The following NFATC2 variants were observed in gnomAD, a reference collection of about 807,000 sequenced individuals.
NFATC2 encodes the protein nuclear factor of activated T cells 2, also known as nuclear factor of activated T-cells, cytoplasmic 2.
In NFATC2, 22 loss-of-function variants were observed where a neutral mutation model predicts 87.3. The observed-to-expected ratio is 0.25, with a 90% confidence interval of 0.18 to 0.36. The LOEUF (loss-of-function observed/expected upper bound fraction) is 0.36. NFATC2 is among the 10% of genes least tolerant of loss of function. NFATC2 has a pLI of 1.00. For synonymous variants in NFATC2, 565 were observed against 542.2 expected (o/e 1.04, Z -0.58); for missense variants, 1,149 against 1,259.1 (o/e 0.91, Z 1.32).
At chr20:51,479,307 A>C (rs1243628088) in intron 3 of NFATC2, among the ~76,000 whole-genome samples, 1 of 152,168 alleles carries the variant, frequency 6.6e-6, no homozygotes, top group Non-Finnish European at 1.5e-5. Flanking sequence ...CATTTGTTGA[A>C]TAATCTGTCA....
chr20:51,487,089 C>T (rs777495726), intron 3 of NFATC2, among the ~76,000 whole-genome samples: 14 of 152,192 alleles, frequency 9.2e-5, no homozygotes, highest in Non-Finnish European at 1.9e-4. Flanking sequence ...CCTTCAGAAA[C>T]ATTTCTCCCG....
intron 9 of NFATC2, among the ~76,000 whole-genome samples, chr20:51,419,686 C>T (rs575930418): frequency 7.9e-4 from 120 of 152,320 alleles, no homozygotes; most frequent in African/African-American, 2.8e-3. Flanking sequence ...AATAACCTCC[C>T]CTGCCTTGCA....
intron 10 of NFATC2, 91 bp from the exon 11 acceptor site, chr20:51,391,542 T>C (rs1986348031): frequency 2.3e-6 from 3 of 1,305,466 alleles, no homozygotes; most frequent in Non-Finnish European, 3.3e-6. Flanking sequence ...CTAGAACCTC[T>C]ATTGGGCTAT....
intron 1 of NFATC2, among the ~76,000 whole-genome samples, chr20:51,528,126 C>T (rs1264829547): frequency 6.6e-6 from 1 of 151,384 alleles, no homozygotes; most frequent in Non-Finnish European, 1.5e-5. Context: ...CAGATATACT[C>T]TCACCTGTGC....
At chr20:51,506,311 G>A (rs138701550) in intron 3 of NFATC2, among the ~76,000 whole-genome samples, 5 of 152,358 alleles carry the variant, frequency 3.3e-5, no homozygotes, top group East Asian at 1.9e-4. Context: ...CCAAGCCATT[G>A]AGCCATTCCA....
At chr20:51,451,768 G>T (rs1985820312) in intron 6 of NFATC2, among the ~76,000 whole-genome samples, 1 of 152,142 alleles carries the variant, frequency 6.6e-6, no homozygotes, top group Non-Finnish European at 1.5e-5. Flanking sequence ...CGCTTGCCAG[G>T]GATCTAGGTT....
intron 3 of NFATC2, among the ~76,000 whole-genome samples, chr20:51,478,632 C>G (rs1015604264): frequency 1.3e-5 from 2 of 152,202 alleles, no homozygotes; most frequent in East Asian, 3.8e-4. Context: ...TGGTCTTTCA[C>G]AGAACAGCTC....
chr20:51,489,147 G>A (rs889999160), intron 3 of NFATC2, among the ~76,000 whole-genome samples: 6 of 152,230 alleles, frequency 3.9e-5, no homozygotes, highest in Admixed American at 1.3e-4. Context: ...CCAAGATCGT[G>A]CCACTGCACT....
chr20:51,397,033 G>GTAGTGTAGCTGGGATTACA (rs71192525), intron 10 of NFATC2, among the ~76,000 whole-genome samples: 2 of 151,580 alleles, frequency 1.3e-5, no homozygotes, highest in African/African-American at 4.9e-5. Flanking sequence ...AACCTCCTAA[G>GTAGTGTAGCTGGGATTACA]GGAACCTGCC....
intron 3 of NFATC2, among the ~76,000 whole-genome samples, chr20:51,489,436 T>G (rs2075844872): frequency 6.6e-6 from 1 of 152,208 alleles, no homozygotes; most frequent in Non-Finnish European, 1.5e-5. Flanking sequence ...TCTCTAGATT[T>G]TCTACATTCT....
At chr20:51,420,855 A>C (rs1475359778) in intron 9 of NFATC2, among the ~76,000 whole-genome samples, 1 of 152,118 alleles carries the variant, frequency 6.6e-6, no homozygotes, top group Non-Finnish European at 1.5e-5. Flanking sequence ...TTAGAGATAC[A>C]TGCTATTTCT....
At chr20:51,562,634 A>T (rs2077042654), upstream of NFATC2, 1 of 1,550,430 alleles carries the variant, frequency 6.4e-7, no homozygotes, top group Non-Finnish European at 8.7e-7. The surrounding 1 kb of genome is among the most constrained non-coding windows in gnomAD (Gnocchi z 5.8). Flanking sequence ...CTGCATCTGG[A>T]GGGCACGGGG....
chr20:51,398,570 TA>T (rs11086333), intron 10 of NFATC2, 72 bp downstream of exon 10: 487,685 of 848,202 alleles, frequency 0.57, 98,173 homozygotes, highest in Admixed American at 0.68. Flanking sequence ...ATACTTTACT[TA>T]AAAAAAAAAA....
chr20:51,473,125 G>C (rs1027685017), intron 5 of NFATC2, among the ~76,000 whole-genome samples: 2 of 152,196 alleles, frequency 1.3e-5, no homozygotes, highest in African/African-American at 4.8e-5. Flanking sequence ...TTTCTGCTCA[G>C]TGTCCTTCCA....
rs1260272286 is a variant in NFATC2, at chr20:51,529,353, C to T, written c.131-5243G>A. On this transcript the variant is annotated intron_variant, in intron 1 of 10. Transcript: ENST00000371564. ...TTACATTGGTTTTCATTAATCCAAG[C>T]GGCAGTTTTTTTTTTTTCCTCTTGA... 2.4e-5 allele frequency among the ~76,000 whole-genome samples: 3 copies of T among 122,744 alleles called. No individual in the cohort carries two copies. In the East Asian group the frequency reaches 6.4e-4, roughly 26 times the overall value. The allele number at this position is 122,744 out of a possible 152,430, so 80.5% of individuals were successfully genotyped here.
chr20:51,519,934 C>T (rs896685370), intron 2 of NFATC2, among the ~76,000 whole-genome samples: 1 of 144,376 alleles, frequency 6.9e-6, no homozygotes, highest in Admixed American at 6.8e-5. Context: ...AAAAAAAGAA[C>T]AAAAAAGAAG....
At chr20:51,414,259 A>C (rs1979713307) in intron 9 of NFATC2, among the ~76,000 whole-genome samples, 1 of 152,176 alleles carries the variant, frequency 6.6e-6, no homozygotes, top group South Asian at 2.1e-4. Context: ...CAAGGGAGAA[A>C]AAATAAATAA....
In NFATC2 at chr20:51,523,050, C is replaced by G; in HGVS notation, c.1160+31G>C. 6.2e-7 allele frequency: 1 copy of G among 1,613,214 alleles called. No homozygotes were observed. The highest frequency in any genetic ancestry group is 8.5e-7 in the Non-Finnish European group (1 of 1,179,914). On this transcript the variant is annotated intron_variant, in intron 2 of 10. Transcript: ENST00000371564. The surrounding 1 kb of genome is among the most constrained non-coding windows in gnomAD (Gnocchi z 6.9). ...AAAACCATCTCTTAAAACTAAACCACAGAATCAATCATTTTCAAAGCCCTG... is the reference window on the plus strand; with the variant it reads ...AAAACCATCTCTTAAAACTAAACCAGAGAATCAATCATTTTCAAAGCCCTG...
Position 51,432,814 on chromosome 20 carries a change from G to C in NFATC2, c.2033-58C>G. 1 of 1,436,866 alleles carries C rather than the reference G, an allele frequency of 7.0e-7. No individual in the cohort carries two copies. Among genetic ancestry groups the C allele is most frequent in the Non-Finnish European group, 9.2e-7 (1 of 1,083,838 alleles). The allele number at this position is 1,436,866 out of a possible 1,614,324, so 89.0% of individuals were successfully genotyped here. ...ATGGCAGTGAGCCACGGATGTGCAC[G>C]GAGGATTCGTGGATGGTGCTTGAGA... On this transcript the variant is annotated intron_variant, in intron 8 of 10. Coordinates refer to ENST00000371564, the MANE Select transcript of NFATC2 (RefSeq NM_012340.5). The surrounding 1 kb of genome is among the most constrained non-coding windows in gnomAD (Gnocchi z 4.6).
Sources: gnomAD v4.1 joint callset for allele counts (sites outside exome capture counted in the v4.1 genomes callset) on GRCh38, gnomAD v4.1.1 for gene constraint, Gnocchi (gnomAD v3.1) non-coding constraint, MANE v1.5 for transcripts, NCBI Gene and HGNC (gene_info 2026-07-23, HGNC 2026-07-21) for gene names.